Variants in TMEM178A observed in about 807,000 individuals in gnomAD.
TMEM178A encodes transmembrane protein 178.
In TMEM178A, 12 loss-of-function variants were observed where a neutral mutation model predicts 29.1. That is an observed-to-expected ratio of 0.41 (90% CI 0.26 to 0.67). TMEM178A has a LOEUF of 0.67. Ranked by LOEUF, TMEM178A falls within the 30% of genes least tolerant of loss-of-function variation. The pLI is 0.29. For missense variants in TMEM178A, 366 were observed against 419.1 expected (o/e 0.87, Z 1.11); for synonymous variants, 210 against 187.2 (o/e 1.12, Z -0.99).
At chr2:39,721,344 T>G (rs918799965), downstream of TMEM178A, among the ~76,000 whole-genome samples, 1 of 152,270 alleles carries the variant, frequency 6.6e-6, no homozygotes, top group Non-Finnish European at 1.5e-5. Context: ...AGAATATGTC[T>G]GCCTGGAGCC....
the TMEM178A span, among the ~76,000 whole-genome samples, chr2:39,727,283 T>TA: frequency 9.9e-5 from 15 of 152,200 alleles, no homozygotes; most frequent in African/African-American, 2.4e-5. Flanking sequence ...ATGGAGCAAG[T>TA]ACTCACTAAC....
At chr2:39,676,341 G>A (rs1399586851) in intron 1 of TMEM178A, among the ~76,000 whole-genome samples, 1 of 152,204 alleles carries the variant, frequency 6.6e-6, no homozygotes, top group Non-Finnish European at 1.5e-5. Context: ...GGCTTTAGCA[G>A]ACCCAAGGTA....
chr2:39,670,039 A>C (rs977347803), intron 1 of TMEM178A, among the ~76,000 whole-genome samples: 1 of 152,202 alleles, frequency 6.6e-6, no homozygotes, highest in Non-Finnish European at 1.5e-5. Flanking sequence ...GATGCTGAGG[A>C]AGCTTTGCTG....
chr2:39,707,386 A>T (rs1672081793), intron 3 of TMEM178A, among the ~76,000 whole-genome samples, 200 bp downstream of exon 3: 1 of 152,148 alleles, frequency 6.6e-6, no homozygotes, highest in Non-Finnish European at 1.5e-5. Context: ...CTATATCCCC[A>T]TTGTGGCCTG....
chr2:39,717,302 C>A lies in TMEM178A; in HGVS notation c.*51C>A. 1.3e-6 allele frequency: 2 copies of A among 1,578,620 alleles called. No individual in the cohort carries two copies. The highest frequency in any genetic ancestry group is 8.6e-7 in the Non-Finnish European group (1 of 1,161,100). ...TGCGAGCGACTCCTGAGGGGAACAGCGCGGAGTTCAGGAGTCCAAGCACAA... is the reference window on the plus strand; with the variant it reads ...TGCGAGCGACTCCTGAGGGGAACAGAGCGGAGTTCAGGAGTCCAAGCACAA... On this transcript the variant is annotated 3_prime_UTR_variant, in exon 4 of 4. Coordinates refer to ENST00000281961, the MANE Select transcript of TMEM178A (RefSeq NM_152390.3).
intron 1 of TMEM178A, among the ~76,000 whole-genome samples, chr2:39,679,346 A>C (rs1313115251): frequency 6.6e-6 from 1 of 152,128 alleles, no homozygotes; most frequent in African/African-American, 2.4e-5. Flanking sequence ...CTCAGTTTTC[A>C]AAGACTAAGA....
chr2:39,680,808 T>C (rs966692349), intron 1 of TMEM178A, among the ~76,000 whole-genome samples: 10 of 152,210 alleles, frequency 6.6e-5, no homozygotes, highest in Non-Finnish European at 2.9e-5. Context: ...CTTTGCTTCA[T>C]GAGAGTATTT....
chr2:39,682,827 A>G (rs1484139714), intron 1 of TMEM178A, among the ~76,000 whole-genome samples: 5 of 152,240 alleles, frequency 3.3e-5, no homozygotes, highest in Admixed American at 3.3e-4. Flanking sequence ...GGGCTCAGAA[A>G]TATAAATGGG....
chr2:39,702,111 G>C (rs72934295), intron 1 of TMEM178A, among the ~76,000 whole-genome samples: 1 of 150,244 alleles, frequency 6.7e-6, no homozygotes, highest in African/African-American at 2.4e-5. Flanking sequence ...GTACTTTTTT[G>C]GTTGAAAACT....
chr2:39,674,154 C>T (rs1337688868), intron 1 of TMEM178A, among the ~76,000 whole-genome samples: 1 of 152,104 alleles, frequency 6.6e-6, no homozygotes, highest in African/African-American at 2.4e-5. Context: ...TAAGGAGTGG[C>T]GGGAAAAGCA....
intron 3 of TMEM178A, among the ~76,000 whole-genome samples, 181 bp from the exon 4 acceptor site, chr2:39,716,829 C>T (rs958874265): frequency 2.0e-5 from 3 of 151,980 alleles, no homozygotes; most frequent in African/African-American, 4.8e-5. Flanking sequence ...GGGTCTGGCA[C>T]ACAGAAGTTT....
chr2:39,730,725 G>A, the TMEM178A span, among the ~76,000 whole-genome samples: 1 of 152,194 alleles, frequency 6.6e-6, no homozygotes, highest in Admixed American at 6.5e-5. Context: ...AGCACTGAAG[G>A]TTTCCATCTG....
At chr2:39,687,015 G>A (rs959213102) in intron 1 of TMEM178A, among the ~76,000 whole-genome samples, 1 of 114,826 alleles carries the variant, frequency 8.7e-6, no homozygotes, top group African/African-American at 3.3e-5. Flanking sequence ...GTGTGTGTGT[G>A]TATTATGAGA....
At chr2:39,733,838 C>A in the TMEM178A span, among the ~76,000 whole-genome samples, 2 of 152,100 alleles carry the variant, frequency 1.3e-5, no homozygotes, top group Non-Finnish European at 2.9e-5. Flanking sequence ...TGCTGTCTTC[C>A]TACCCGTAAT....
intron 3 of TMEM178A, among the ~76,000 whole-genome samples, chr2:39,709,107 C>T (rs566260764): frequency 6.6e-6 from 1 of 152,344 alleles, no homozygotes; most frequent in African/African-American, 2.4e-5. Context: ...CCTGCGTTAA[C>T]AGGAGGCAGC....
downstream of TMEM178A, among the ~76,000 whole-genome samples, chr2:39,722,481 G>A (rs746188224): frequency 2.6e-5 from 4 of 152,144 alleles, no homozygotes; most frequent in South Asian, 4.1e-4. Context: ...GCTGCCAGCC[G>A]ATTCCTCTCT....
chr2:39,724,669 C>G, the TMEM178A span, among the ~76,000 whole-genome samples: 1 of 152,112 alleles, frequency 6.6e-6, no homozygotes. Flanking sequence ...CACCCCATAA[C>G]CAAACCAAAA....
chr2:39,677,818 A>G (rs1670693686), intron 1 of TMEM178A, among the ~76,000 whole-genome samples: 1 of 152,246 alleles, frequency 6.6e-6, no homozygotes, highest in Non-Finnish European at 1.5e-5. Context: ...TTATGAAGCA[A>G]GAAAACAATC....
downstream of TMEM178A, among the ~76,000 whole-genome samples, chr2:39,722,314 C>T (rs559473014): frequency 5.3e-5 from 8 of 152,032 alleles, no homozygotes; most frequent in Middle Eastern, 3.4e-3. Context: ...AAAGGAGATA[C>T]AATAATTTGG....
Sources: gnomAD v4.1 joint callset for allele counts (sites outside exome capture counted in the v4.1 genomes callset) on GRCh38, gnomAD v4.1.1 for gene constraint, MANE v1.5 for transcripts, NCBI Gene and HGNC (gene_info 2026-07-23, HGNC 2026-07-21) for gene names.